Variants in NMNAT1 observed in about 807,000 individuals in gnomAD.
NMNAT1 encodes nicotinamide nucleotide adenylyltransferase 1.
A neutral mutation model predicts 16.7 loss-of-function variants in NMNAT1; 11 were observed. That is an observed-to-expected ratio of 0.66 (90% CI 0.41 to 1.09). The LOEUF (loss-of-function observed/expected upper bound fraction) is 1.09. Among genes scored for constraint, NMNAT1 ranks in the 50% least tolerant of loss-of-function variants. NMNAT1 has a pLI of 0.00. For synonymous variants in NMNAT1, 110 were observed against 119.8 expected, an observed-to-expected ratio of 0.92 and a Z score of 0.53; for missense variants, 280 against 332.3, an observed-to-expected ratio of 0.84 and a Z score of 1.22.
At chr1:9,975,396 G>A in intron 2 of NMNAT1, among the ~76,000 whole-genome samples, 196 bp from the exon 3 acceptor site, 1 of 152,092 alleles carries the variant, frequency 6.6e-6, no homozygotes, top group Admixed American at 6.6e-5. Flanking sequence ...AGCTACTCAG[G>A]AGTCTGACTC....
chr1:9,993,372 G>A, the NMNAT1 span, among the ~76,000 whole-genome samples: 3 of 151,866 alleles, frequency 2.0e-5, no homozygotes, highest in Admixed American at 6.6e-5. Flanking sequence ...CCAGCTACTC[G>A]GGAGGCTGAG....
At chr1:9,977,502 G>A (rs1174756736) in intron 3 of NMNAT1, among the ~76,000 whole-genome samples, 3 of 152,096 alleles carry the variant, frequency 2.0e-5, no homozygotes, top group Non-Finnish European at 4.4e-5. Flanking sequence ...TTAGGGTTCA[G>A]ACTAGGAAAT....
intron 1 of NMNAT1, among the ~76,000 whole-genome samples, chr1:9,962,651 A>G (rs983588475): frequency 2.1e-4 from 31 of 145,394 alleles, no homozygotes; most frequent in Admixed American, 2.1e-3. Flanking sequence ...TAAGAGATCA[A>G]ATCAAGATCA....
chr1:9,957,922 A>G (rs1451554689), intron 1 of NMNAT1, among the ~76,000 whole-genome samples: 1 of 152,200 alleles, frequency 6.6e-6, no homozygotes, highest in African/African-American at 2.4e-5. Flanking sequence ...AGCCCTGCAG[A>G]CATAAGCTAA....
At chr1:9,982,232 C>G in intron 4 of NMNAT1, 69 bp from the exon 5 acceptor site, 1 of 1,512,724 alleles carries the variant, frequency 6.6e-7, no homozygotes, top group Non-Finnish European at 8.9e-7. Flanking sequence ...AAAAGTAAAC[C>G]CCTTTCCACT....
intron 3 of NMNAT1, among the ~76,000 whole-genome samples, chr1:9,977,938 C>T (rs1306436251): frequency 1.3e-5 from 2 of 152,186 alleles, no homozygotes; most frequent in Non-Finnish European, 2.9e-5. Flanking sequence ...CAGAGTTCAA[C>T]AAACCAATTC....
chr1:9,977,916 C>T (rs1641851165), intron 3 of NMNAT1, among the ~76,000 whole-genome samples: 1 of 152,028 alleles, frequency 6.6e-6, no homozygotes, highest in Non-Finnish European at 1.5e-5. Context: ...GTCACTCCTC[C>T]GATGTTGCCG....
Position 9,945,817 on chromosome 1 carries a change from G to A in NMNAT1, c.-57+2302G>A, listed in dbSNP as rs111693466. Among the ~76,000 whole-genome samples, 740 of 152,184 alleles carry A rather than the reference G, an allele frequency of 4.9e-3. 10 individuals carry two copies. The highest frequency in any genetic ancestry group is 0.017 in the African/African-American group (695 of 41,528). On this transcript the variant is annotated intron_variant, in intron 1 of 4. Transcript: ENST00000377205. ...CACCCAGACTGGAGTACAGTGACAC[G>A]AGCACGGCTCACTGCAGCCTTAATC...
In NMNAT1 at chr1:9,983,014, G is replaced by A; in HGVS notation, c.*313G>A. On this transcript the variant is annotated 3_prime_UTR_variant, in exon 5 of 5. Coordinates refer to ENST00000377205, the MANE Select transcript of NMNAT1 (RefSeq NM_022787.4). ...CCAGCTACTTGGGAGGCTGAGGCAG[G>A]AGAATCACTTGACCCCAGGTGGTGG... 4.6e-6 allele frequency: 1 copy of A among 215,474 alleles called. No individual in the cohort carries two copies. The highest frequency in any genetic ancestry group is 7.3e-5 in the South Asian group (1 of 13,702). The allele number at this position is 215,474 out of a possible 1,614,324, so 13.3% of individuals were successfully genotyped here.
chr1:9,981,452 G>T (rs1641947808), intron 4 of NMNAT1: 1 of 280,564 alleles, frequency 3.6e-6, no homozygotes, highest in Non-Finnish European at 6.8e-6. Flanking sequence ...AGCCAGGATG[G>T]TCTTGATCTC....
At chr1:9,960,734 C>T (rs1020205540) in intron 1 of NMNAT1, 2 of 152,182 alleles carry the variant, frequency 1.3e-5, no homozygotes, top group Non-Finnish European at 2.9e-5. Flanking sequence ...GGTGAGTTCT[C>T]AGCAGCCAGC....
In NMNAT1 at chr1:9,983,104, CA is replaced by C. The variant is rs35872889; in HGVS notation, c.*418del. 0.047 allele frequency: 5,966 copies of C among 127,458 alleles called. 192 individuals are homozygous for C. The highest frequency in any genetic ancestry group is 0.097 in the East Asian group (425 of 4,404). The allele number at this position is 127,458 out of a possible 1,614,324, so 7.9% of individuals were successfully genotyped here. A position where few individuals can be genotyped will look rare whatever the true frequency, so the allele number is the denominator to read the frequency against. ...CTGGCGACAGAGCAAGACTCTGTCTCAAAAAAAAAAAAAAATTTAGTAAAAA... is the reference window on the plus strand; with the variant it reads ...CTGGCGACAGAGCAAGACTCTGTCTCAAAAAAAAAAAAAATTTAGTAAAAA... On this transcript the variant is annotated 3_prime_UTR_variant, in exon 5 of 5. Coordinates refer to ENST00000377205, the MANE Select transcript of NMNAT1 (RefSeq NM_022787.4).
rs1167648580 is a variant in NMNAT1 at position 9,954,063 on chromosome 1, C to T, written c.-57+10548C>T. On this transcript the variant is annotated intron_variant, in intron 1 of 4. Transcript: ENST00000377205. ...TCAGGTGATCCACCTGCCTCGGCCT[C>T]CCAAAGTGCTGGGATTACAGGCATG... Among the ~76,000 whole-genome samples, 7 of 151,968 alleles carry T rather than the reference C, an allele frequency of 4.6e-5. 1 individual carries two copies. The highest frequency in any genetic ancestry group is 1.7e-4 in the African/African-American group (7 of 41,368).
chr1:9,948,651 A>ATT (rs748173364), intron 1 of NMNAT1, among the ~76,000 whole-genome samples: 2 of 144,168 alleles, frequency 1.4e-5, no homozygotes, highest in African/African-American at 2.5e-5. Context: ...ATACTTCAGA[A>ATT]TTTTTTTTTT....
intron 1 of NMNAT1, among the ~76,000 whole-genome samples, chr1:9,948,774 T>G (rs1641036888): frequency 6.6e-6 from 1 of 151,430 alleles, no homozygotes; most frequent in Non-Finnish European, 1.5e-5. Context: ...CTCAGCCTCC[T>G]AAGTAGCTGG....
chr1:9,962,685 T>C (rs1414288712), intron 1 of NMNAT1, among the ~76,000 whole-genome samples: 1 of 129,936 alleles, frequency 7.7e-6, no homozygotes, highest in Non-Finnish European at 1.7e-5. Context: ...GGGTTTTTTT[T>C]TTTTTTTTTT....
intron 1 of NMNAT1, among the ~76,000 whole-genome samples, chr1:9,971,665 A>C (rs1482142727): frequency 6.6e-6 from 1 of 152,028 alleles, no homozygotes; most frequent in African/African-American, 2.4e-5. Context: ...GAAGGACATC[A>C]AAAGACCTAT....
At chr1:9,970,635 G>C (rs1641666599) in intron 1 of NMNAT1, among the ~76,000 whole-genome samples, 1 of 151,506 alleles carries the variant, frequency 6.6e-6, no homozygotes, top group African/African-American at 2.4e-5. Context: ...CTTGCAGTGA[G>C]CTGAGATCGC....
intron 1 of NMNAT1, among the ~76,000 whole-genome samples, chr1:9,946,005 T>C (rs929436825): frequency 3.3e-5 from 5 of 152,164 alleles, no homozygotes; most frequent in African/African-American, 1.2e-4. Flanking sequence ...CCTCCCACCT[T>C]GGCCCCGCAA....
Sources: gnomAD v4.1 joint callset for allele counts (sites outside exome capture counted in the v4.1 genomes callset) on GRCh38, gnomAD v4.1.1 for gene constraint, MANE v1.5 for transcripts, NCBI Gene and HGNC (gene_info 2026-07-23, HGNC 2026-07-21) for gene names.